The following PRKN variants were observed in gnomAD, a reference collection of about 807,000 sequenced individuals.
The protein encoded by PRKN is parkin RBR E3 ubiquitin protein ligase, also known as E3 ubiquitin-protein ligase parkin.
Under a neutral mutation model 59.5 loss-of-function variants are expected in PRKN, and 56 were observed. That is an observed-to-expected ratio of 0.94 (90% confidence interval 0.76 to 1.18). PRKN has a LOEUF of 1.18. Ranked by LOEUF, PRKN falls within the 50% of genes most tolerant of loss-of-function variation. PRKN has a pLI of 0.00. For synonymous variants in PRKN, 250 were observed against 222.1 expected (o/e 1.13, Z -1.12); for missense variants, 657 against 596.4 (o/e 1.10, Z -1.06).
At chr6:161,755,900 C>T (rs1374225857) in intron 7 of PRKN, among the ~76,000 whole-genome samples, 1 of 152,088 alleles carries the variant, frequency 6.6e-6, no homozygotes, top group Non-Finnish European at 1.5e-5. Context: ...CTACTGCCCT[C>T]TGTTGCCAAT....
chr6:162,639,071 G>A (rs1777862779), intron 1 of PRKN, among the ~76,000 whole-genome samples: 1 of 152,126 alleles, frequency 6.6e-6, no homozygotes, highest in Non-Finnish European at 1.5e-5. Flanking sequence ...CAGTCTTCCT[G>A]TGTCTTGCTA....
chr6:162,637,672 C>T lies in PRKN; in HGVS notation c.7+89990G>A, dbSNP rs140772764. Reference sequence around the variant, plus strand: ...TCTTTTCCCTATTAACTCTGACTATCATAAAATACAATTAAATTAAAATTA... The same window carrying T: ...TCTTTTCCCTATTAACTCTGACTATTATAAAATACAATTAAATTAAAATTA... On this transcript the variant is annotated intron_variant, in intron 1 of 11. Transcript: ENST00000366898. Among the ~76,000 whole-genome samples the T allele has an allele frequency of 2.3e-3, 348 of 152,238 alleles. 9 individuals carry two copies. Among genetic ancestry groups the T allele is most frequent in the Admixed American group, 0.017 (265 of 15,290 alleles).
chr6:161,920,186 C>T (rs1778725898), intron 6 of PRKN, among the ~76,000 whole-genome samples: 1 of 152,062 alleles, frequency 6.6e-6, no homozygotes, highest in Non-Finnish European at 1.5e-5. Context: ...GAGTTTGAGA[C>T]TAGCCTGGCC....
intron 5 of PRKN, among the ~76,000 whole-genome samples, chr6:162,003,257 G>A (rs1283083001): frequency 6.6e-6 from 1 of 151,732 alleles, no homozygotes. Flanking sequence ...GCGAGTAGAT[G>A]GGTTATAAGG....
At chr6:162,132,585 C>T (rs1452058233) in intron 4 of PRKN, among the ~76,000 whole-genome samples, 4 of 152,136 alleles carry the variant, frequency 2.6e-5, no homozygotes, top group African/African-American at 7.2e-5. Flanking sequence ...GGAATAATAA[C>T]GACGTTGTAA....
At chr6:162,305,948 T>A (rs554797950) in intron 2 of PRKN, among the ~76,000 whole-genome samples, 1 of 152,146 alleles carries the variant, frequency 6.6e-6, no homozygotes. Context: ...CTCTTTTCTT[T>A]TACATGTTTT....
chr6:162,003,198 GGTT>G (rs1782123628), intron 5 of PRKN, among the ~76,000 whole-genome samples: 1 of 115,142 alleles, frequency 8.7e-6, no homozygotes, highest in African/African-American at 3.7e-5. Context: ...CAAATTGGGA[GGTT>G]GTTGACAAAA....
intron 2 of PRKN, among the ~76,000 whole-genome samples, chr6:162,415,118 G>A (rs1018620247): frequency 2.6e-5 from 4 of 152,132 alleles, no homozygotes; most frequent in Admixed American, 1.3e-4. Context: ...CGAAGATGCG[G>A]CAGAACCATC....
intron 9 of PRKN, among the ~76,000 whole-genome samples, chr6:161,394,597 A>C (rs931297591): frequency 6.6e-6 from 1 of 152,180 alleles, no homozygotes; most frequent in Admixed American, 6.5e-5. Flanking sequence ...ATGCGCGTGC[A>C]CGTAACCATC....
intron 2 of PRKN, among the ~76,000 whole-genome samples, chr6:162,336,578 ACTGT>A (rs1783855927): frequency 6.6e-6 from 1 of 152,216 alleles, no homozygotes; most frequent in South Asian, 2.1e-4. Context: ...TCTCATCAAG[ACTGT>A]CTGTCACACG....
intron 6 of PRKN, among the ~76,000 whole-genome samples, chr6:161,884,896 C>G (rs966745084): frequency 6.6e-6 from 1 of 151,636 alleles, no homozygotes; most frequent in Non-Finnish European, 1.5e-5. Flanking sequence ...TCACAACCAC[C>G]CAACTCTACC....
At position 161,683,370 on chromosome 6, in the gene PRKN, A is replaced by C. The variant is rs974240306; in HGVS notation, c.871+102402T>G. Among the ~76,000 whole-genome samples the C allele has an allele frequency of 4.6e-5, 7 of 152,286 alleles. No homozygotes were observed. The East Asian group carries it at 1.4e-3, about 29-fold the overall frequency. On this transcript the variant is annotated intron_variant, in intron 7 of 11. Coordinates refer to ENST00000366898, the MANE Select transcript of PRKN (RefSeq NM_004562.3). ...GAAGAATCATTTCATTCTAATCTGC[A>C]CTCGATCTTAGCCAAAAGTCTGAGA... is the stretch of plus-strand genomic sequence containing the variant.
rs533843719 is a variant in PRKN at position 162,443,564 on chromosome 6, C to A, written c.8-91G>T. ...GCAACATTTCTCAACCGATTTACCC[C>A]TCGCAGCCCTTCAGTGAATGGTATA... is the stretch of plus-strand genomic sequence containing the variant. On this transcript the variant is annotated intron_variant, in intron 1 of 11. Transcript: ENST00000366898. 131 of 1,161,034 alleles carry A rather than the reference C, an allele frequency of 1.1e-4. 1 individual carries two copies. The African/African-American group carries it at 1.8e-3, about 16-fold the overall frequency. 71.9% of individuals were successfully genotyped at this position (1,161,034 alleles called of 1,614,324 possible). A position where few individuals can be genotyped will look rare whatever the true frequency, so the allele number is the denominator to read the frequency against.
chr6:162,530,952 T>C (rs571322715), intron 1 of PRKN, among the ~76,000 whole-genome samples: 13 of 149,448 alleles, frequency 8.7e-5, no homozygotes, highest in Admixed American at 2.7e-4. Context: ...AGTTACTTGG[T>C]AGCCTGAGGC....
intron 5 of PRKN, among the ~76,000 whole-genome samples, chr6:161,981,560 T>C (rs1781258394): frequency 6.6e-6 from 1 of 152,150 alleles, no homozygotes; most frequent in African/African-American, 2.4e-5. Context: ...AAATGCCAGA[T>C]AAAGCATAAC....
Position 162,201,236 on chromosome 6 carries a change from G to T in PRKN, c.429C>A (p.Tyr143Ter), listed in dbSNP as rs745400855. 5 of 1,613,910 alleles carry T rather than the reference G, an allele frequency of 3.1e-6. No individual in the cohort carries two copies. Among genetic ancestry groups the T allele is most frequent in the South Asian group, 2.2e-5 (2 of 91,066 alleles). Reference sequence around the variant, plus strand: ...CTTTGCAATACACATAAAAGCTGTTGTAGATTGATCTACCTGCTGGAGAAG... The same window carrying T: ...CTTTGCAATACACATAAAAGCTGTTTTAGATTGATCTACCTGCTGGAGAAG... ...PAGSPAGRSI[Y>*]NSFYVYCKGP... The change falls in exon 4 of 12, where the codon TAC (tyrosine) becomes TAA (stop). Residue 143 changes from tyrosine to a stop codon, truncating the protein, a stop_gained. Transcript: ENST00000366898. LOFTEE classifies it high-confidence loss of function.
rs1377686321 is a variant in PRKN, at chr6:161,465,616, G to T, written c.1084-78739C>A. ...ATCACCGTGCTCTCCATACAATGAG[G>T]TTCCCTCTGGCAGCTCTTAACATTA... On this transcript the variant is annotated intron_variant, in intron 9 of 11. Coordinates refer to ENST00000366898, the MANE Select transcript of PRKN (RefSeq NM_004562.3). Among the ~76,000 whole-genome samples the T allele has an allele frequency of 2.0e-5, 3 of 151,998 alleles. No individual in the cohort carries two copies. The East Asian group carries it at 5.8e-4, about 29-fold the overall frequency.
chr6:161,958,759 A>G lies in PRKN; in HGVS notation c.734+14543T>C, dbSNP rs537998679. On this transcript the variant is annotated intron_variant, in intron 6 of 11. Transcript: ENST00000366898. ...GCTGGGCGTGGTGGTGGGTATCTGTAATCCCAGCTACTTGGGAGGCTGAGG... is the reference window on the plus strand; with the variant it reads ...GCTGGGCGTGGTGGTGGGTATCTGTGATCCCAGCTACTTGGGAGGCTGAGG... Among the ~76,000 whole-genome samples the G allele has an allele frequency of 8.5e-5, 13 of 152,208 alleles. No individual in the cohort carries two copies. In the South Asian group the frequency reaches 2.7e-3, roughly 32 times the overall value.
intron 6 of PRKN, among the ~76,000 whole-genome samples, chr6:161,935,333 G>A (rs973156495): frequency 1.3e-5 from 2 of 151,990 alleles, no homozygotes; most frequent in Non-Finnish European, 1.5e-5. Context: ...AGGGTGAATT[G>A]CTTCAGCCCA....
Sources: allele counts gnomAD v4.1 joint callset (sites outside exome capture counted in the v4.1 genomes callset), GRCh38; gene constraint gnomAD v4.1.1; transcripts MANE v1.5; gene names NCBI Gene and HGNC (gene_info 2026-07-23, HGNC 2026-07-21).